The following ARHGAP42 variants were observed in gnomAD, a reference collection of about 807,000 sequenced individuals.
ARHGAP42 encodes the protein Rho GTPase activating protein 42.
A neutral mutation model predicts 125.0 loss-of-function variants in ARHGAP42; 63 were observed. The observed-to-expected ratio is 0.50, with a 90% CI of 0.41 to 0.62. ARHGAP42 has a LOEUF of 0.62. Among genes scored for constraint, ARHGAP42 ranks in the 20% least tolerant of loss-of-function variants. The probability of loss-of-function intolerance (pLI) is 0.00; values close to 1 mark genes in which losing one functional copy is unlikely to be tolerated. For missense variants in ARHGAP42, 766 were observed against 1,024.2 expected (o/e 0.75, Z 3.44); for synonymous variants, 339 against 351.0 (o/e 0.97, Z 0.38).
intron 1 of ARHGAP42, among the ~76,000 whole-genome samples, chr11:100,713,418 C>T (rs1362009460): frequency 1.3e-5 from 2 of 152,140 alleles, no homozygotes; most frequent in Non-Finnish European, 2.9e-5. Flanking sequence ...GGAATGGATC[C>T]TCTGATCCTC....
At chr11:100,866,430 G>A (rs1033875860) in intron 4 of ARHGAP42, among the ~76,000 whole-genome samples, 8 of 152,154 alleles carry the variant, frequency 5.3e-5, no homozygotes, top group Non-Finnish European at 1.2e-4. Flanking sequence ...ATCTATCAGA[G>A]AAATCACTGT....
chr11:100,915,153 A>G (rs939054942), intron 5 of ARHGAP42, among the ~76,000 whole-genome samples: 1 of 152,216 alleles, frequency 6.6e-6, no homozygotes, highest in African/African-American at 2.4e-5. Flanking sequence ...GCCATTAAGA[A>G]AAACTAGATT....
At chr11:100,946,109 A>C (rs1184660414) in intron 10 of ARHGAP42, among the ~76,000 whole-genome samples, 3 of 152,136 alleles carry the variant, frequency 2.0e-5, no homozygotes, top group Non-Finnish European at 2.9e-5. Context: ...TATATTATGC[A>C]AATGGCTTCT....
chr11:100,714,798 A>T (rs1861626755), intron 1 of ARHGAP42, among the ~76,000 whole-genome samples: 1 of 152,044 alleles, frequency 6.6e-6, no homozygotes, highest in African/African-American at 2.4e-5. Flanking sequence ...TGGAGGCTGA[A>T]GTGAGTAGAT....
chr11:100,906,817 TTTGAGA>T (rs1159433675), intron 4 of ARHGAP42, among the ~76,000 whole-genome samples: 1 of 152,234 alleles, frequency 6.6e-6, no homozygotes, highest in African/African-American at 2.4e-5. Context: ...AGAACTGTGT[TTTGAGA>T]TCCATCAACA....
At chr11:100,761,521 A>C (rs1862699554) in intron 1 of ARHGAP42, among the ~76,000 whole-genome samples, 1 of 152,124 alleles carries the variant, frequency 6.6e-6, no homozygotes, top group South Asian at 2.1e-4. Context: ...TTTCATTTTT[A>C]ATTTTTATGG....
At chr11:100,717,545 G>A (rs1182958489) in intron 1 of ARHGAP42, among the ~76,000 whole-genome samples, 1 of 150,648 alleles carries the variant, frequency 6.6e-6, no homozygotes, top group African/African-American at 2.4e-5. Context: ...GCTGAGGCAG[G>A]AGAATGGCAT....
intron 4 of ARHGAP42, among the ~76,000 whole-genome samples, chr11:100,898,529 G>C (rs1866426106): frequency 6.6e-6 from 1 of 152,072 alleles, no homozygotes; most frequent in African/African-American, 2.4e-5. Flanking sequence ...GCCTGTTATT[G>C]GTCTATTCAG....
intron 1 of ARHGAP42, among the ~76,000 whole-genome samples, chr11:100,707,805 A>G (rs980712684): frequency 1.3e-5 from 2 of 152,188 alleles, no homozygotes; most frequent in African/African-American, 4.8e-5. Context: ...TGCTGCAAAT[A>G]TGGTATACAT....
intron 4 of ARHGAP42, among the ~76,000 whole-genome samples, chr11:100,886,660 T>C (rs575367040): frequency 7.3e-4 from 111 of 152,226 alleles, no homozygotes; most frequent in Non-Finnish European, 8.4e-4. Flanking sequence ...ATTGCAATAA[T>C]TGATGTATTG....
intron 1 of ARHGAP42, among the ~76,000 whole-genome samples, chr11:100,745,153 T>C (rs941211566): frequency 2.0e-5 from 3 of 152,072 alleles, no homozygotes; most frequent in Admixed American, 2.0e-4. Flanking sequence ...GAGAAGGTAA[T>C]TGAAAAAGGT....
intron 3 of ARHGAP42, among the ~76,000 whole-genome samples, chr11:100,816,116 A>T (rs1387898806): frequency 6.6e-6 from 1 of 152,210 alleles, no homozygotes; most frequent in East Asian, 1.9e-4. Context: ...GAGTATGGAC[A>T]TACAAATATG....
intron 1 of ARHGAP42, among the ~76,000 whole-genome samples, chr11:100,769,843 G>C (rs879529063): frequency 6.6e-6 from 1 of 150,994 alleles, no homozygotes; most frequent in Non-Finnish European, 1.5e-5. Flanking sequence ...GGTGTAGGGG[G>C]ATGGAGAGCA....
chr11:100,932,803 C>T (rs1032543331), intron 6 of ARHGAP42, among the ~76,000 whole-genome samples: 4 of 152,044 alleles, frequency 2.6e-5, no homozygotes, highest in Admixed American at 6.6e-5. Context: ...TCTTTTATCC[C>T]CTTGTTTTGA....
chr11:100,688,795 A>G lies in ARHGAP42; in HGVS notation c.154+963A>G, dbSNP rs1329631574. On this transcript the variant is annotated intron_variant, in intron 1 of 23. Transcript: ENST00000298815. The stretch of plus-strand genomic sequence containing the variant: ...GCCTGTGAAAAGTATTTGCATCTTA[A>G]TAGAGGCTTCTGGATGTTTTAGCTA... 2.0e-5 allele frequency among the ~76,000 whole-genome samples: 3 copies of G among 152,188 alleles called. 1 individual carries two copies. The highest frequency in any genetic ancestry group is 4.1e-4 in the South Asian group (2 of 4,824).
chr11:100,815,936 A>T (rs984800083), intron 3 of ARHGAP42, among the ~76,000 whole-genome samples: 1 of 152,192 alleles, frequency 6.6e-6, no homozygotes, highest in Non-Finnish European at 1.5e-5. Flanking sequence ...TTCAGTTCAC[A>T]TAATGTCCTC....
At chr11:100,758,822 T>C (rs975483564) in intron 1 of ARHGAP42, among the ~76,000 whole-genome samples, 5 of 152,214 alleles carry the variant, frequency 3.3e-5, no homozygotes, top group Admixed American at 3.3e-4. Context: ...AGAGCTTAAG[T>C]AACCTAACTT....
At chr11:100,948,770 T>C (rs543761480) in intron 11 of ARHGAP42, among the ~76,000 whole-genome samples, 3 of 152,216 alleles carry the variant, frequency 2.0e-5, no homozygotes, top group Non-Finnish European at 4.4e-5. Context: ...ACCCTAAAAT[T>C]ACTTCTTAAA....
chr11:100,710,053 C>G, intron 1 of ARHGAP42, among the ~76,000 whole-genome samples: 1 of 152,164 alleles, frequency 6.6e-6, no homozygotes, highest in Non-Finnish European at 1.5e-5. Flanking sequence ...AAATCAGGAA[C>G]AACTATTTTC....
Sources: gnomAD v4.1 joint callset for allele counts (sites outside exome capture counted in the v4.1 genomes callset) on GRCh38, gnomAD v4.1.1 for gene constraint, MANE v1.5 for transcripts, NCBI Gene and HGNC (gene_info 2026-07-23, HGNC 2026-07-21) for gene names.